The following RORA variants were observed in gnomAD, a reference collection of about 807,000 sequenced individuals.
RORA encodes the protein nuclear receptor ROR-alpha.
Under a neutral mutation model 69.5 loss-of-function variants are expected in RORA, and 7 were observed. The ratio of observed to expected loss-of-function variants is 0.10; its 90% CI spans 0.06 to 0.19. The LOEUF is 0.19. RORA is among the 10% of genes least tolerant of loss of function. The pLI, the probability that RORA is intolerant of heterozygous loss-of-function variation, is 1.00. For synonymous variants in RORA, 261 were observed against 240.8 expected (o/e 1.08, Z -0.78); for missense variants, 457 against 663.0 (o/e 0.69, Z 3.41).
intron 1 of RORA, among the ~76,000 whole-genome samples, chr15:61,065,220 TCAAA>T (rs2078240270): frequency 6.6e-6 from 1 of 152,226 alleles, no homozygotes; most frequent in Non-Finnish European, 1.5e-5. Context: ...GTAGCAAGTA[TCAAA>T]TGTACTATAA....
chr15:60,517,521 TAAG>T (rs977391968), intron 3 of RORA, among the ~76,000 whole-genome samples: 1 of 151,032 alleles, frequency 6.6e-6, no homozygotes, highest in Non-Finnish European at 1.5e-5. Context: ...GAAAAGGAAG[TAAG>T]AAGAAGTAAG....
chr15:60,591,460 CCTT>C (rs2068507125), intron 2 of RORA, among the ~76,000 whole-genome samples: 1 of 152,216 alleles, frequency 6.6e-6, no homozygotes, highest in Non-Finnish European at 1.5e-5. Flanking sequence ...CGGTTTCTCT[CCTT>C]CTCACCTGAG....
chr15:61,016,819 G>A (rs991758666), intron 1 of RORA, among the ~76,000 whole-genome samples: 14 of 152,132 alleles, frequency 9.2e-5, no homozygotes, highest in African/African-American at 3.4e-4. Context: ...GAGAAAACTG[G>A]TGGAGTAGTC....
At chr15:61,166,732 A>G (rs887150430) in intron 1 of RORA, among the ~76,000 whole-genome samples, 58 of 152,218 alleles carry the variant, frequency 3.8e-4, no homozygotes, top group African/African-American at 1.4e-3. Flanking sequence ...TCTGGACCTC[A>G]GGACTCCTAG....
intron 1 of RORA, among the ~76,000 whole-genome samples, chr15:60,969,921 T>C (rs924221667): frequency 6.6e-6 from 1 of 152,346 alleles, no homozygotes; most frequent in Middle Eastern, 3.4e-3. Flanking sequence ...AATGTGGTCC[T>C]GTGGGTGATG....
At chr15:61,112,807 C>T (rs775630514) in intron 1 of RORA, among the ~76,000 whole-genome samples, 4 of 152,190 alleles carry the variant, frequency 2.6e-5, no homozygotes, top group Non-Finnish European at 5.9e-5. Flanking sequence ...CAATGGGCTT[C>T]AAGAGCACAG....
chr15:60,621,216 T>TA (rs35729202), intron 2 of RORA, among the ~76,000 whole-genome samples: 37,230 of 150,896 alleles, frequency 0.25, 4,883 homozygotes, highest in Middle Eastern at 0.33. Flanking sequence ...ATATATATAT[T>TA]TTTTAAGAAA....
intron 1 of RORA, among the ~76,000 whole-genome samples, chr15:61,162,032 C>A (rs927375627): frequency 6.6e-6 from 1 of 152,050 alleles, no homozygotes; most frequent in African/African-American, 2.4e-5. Context: ...TATATACACA[C>A]GTTAAAAGTG....
intron 1 of RORA, among the ~76,000 whole-genome samples, chr15:60,987,158 T>A (rs565129379): frequency 6.6e-6 from 1 of 152,254 alleles, no homozygotes; most frequent in East Asian, 1.9e-4. Flanking sequence ...CAGAACAGAT[T>A]TCAGGACTAA....
intron 1 of RORA, among the ~76,000 whole-genome samples, chr15:60,849,468 G>A (rs984590811): frequency 2.0e-5 from 3 of 152,194 alleles, no homozygotes; most frequent in African/African-American, 7.2e-5. Context: ...TATTTACGAG[G>A]TACCATGATG....
At chr15:60,592,548 C>T (rs2068561378) in intron 2 of RORA, 11 of 1,275,656 alleles carry the variant, frequency 8.6e-6, no homozygotes, top group South Asian at 7.4e-5. Flanking sequence ...GAGAGCCATC[C>T]CGAGCCATAA....
At chr15:60,911,069 A>ATTT (rs528370848) in intron 1 of RORA, among the ~76,000 whole-genome samples, 10 of 89,680 alleles carry the variant, frequency 1.1e-4, no homozygotes, top group African/African-American at 4.2e-4. Flanking sequence ...TGCCCAGCTA[A>ATTT]TTTTTTTTTT....
At chr15:61,157,492 A>G (rs2079454831) in intron 1 of RORA, among the ~76,000 whole-genome samples, 1 of 152,160 alleles carries the variant, frequency 6.6e-6, no homozygotes. Context: ...GGACTCAGCT[A>G]GGTATTTGCA....
At chr15:60,712,700 A>G (rs1255380857) in intron 1 of RORA, among the ~76,000 whole-genome samples, 1 of 152,180 alleles carries the variant, frequency 6.6e-6, no homozygotes, top group Non-Finnish European at 1.5e-5. Flanking sequence ...ACAAGACTCA[A>G]CACAGTCCTA....
chr15:61,171,228 C>T (rs2079582155), intron 1 of RORA, among the ~76,000 whole-genome samples: 1 of 152,096 alleles, frequency 6.6e-6, no homozygotes, highest in African/African-American at 2.4e-5. Context: ...CCGGTGTCCT[C>T]CACAGCCCTA....
In RORA at chr15:60,491,044, A is replaced by C. The variant is rs2065032207; in HGVS notation, c.*6411T>G. ...CTAATGTCCTAATGTTTAAAAATTT[A>C]CCACTGTTTAATATGAGATTTCAAA... is the stretch of plus-strand genomic sequence containing the variant. On this transcript the variant is annotated 3_prime_UTR_variant, in exon 11 of 11. Coordinates refer to ENST00000335670, the MANE Select transcript of RORA (RefSeq NM_134261.3). The C allele has an allele frequency of 6.6e-6, 1 of 152,198 alleles. No homozygotes were observed. Among genetic ancestry groups the C allele is most frequent in the Non-Finnish European group, 1.5e-5 (1 of 68,004 alleles). 9.4% of individuals were successfully genotyped at this position (152,198 alleles called of 1,614,324 possible).
At chr15:61,036,811 C>G (rs1333695358) in intron 1 of RORA, among the ~76,000 whole-genome samples, 1 of 140,650 alleles carries the variant, frequency 7.1e-6, no homozygotes, top group Non-Finnish European at 1.6e-5. Flanking sequence ...CCTCCACCCC[C>G]ACCCCTGCCC....
At chr15:60,981,756 T>C (rs1263344867) in intron 1 of RORA, among the ~76,000 whole-genome samples, 1 of 152,210 alleles carries the variant, frequency 6.6e-6, no homozygotes, top group African/African-American at 2.4e-5. Context: ...ATATTTACAA[T>C]AGCTGATTTA....
intron 1 of RORA, among the ~76,000 whole-genome samples, chr15:60,840,888 G>GT: frequency 6.6e-6 from 1 of 152,330 alleles, no homozygotes; most frequent in Non-Finnish European, 1.5e-5. Flanking sequence ...CCAGGCGATA[G>GT]TTTTTCGAAA....
Sources: allele counts gnomAD v4.1 joint callset (sites outside exome capture counted in the v4.1 genomes callset), GRCh38; gene constraint gnomAD v4.1.1; transcripts MANE v1.5; gene names NCBI Gene and HGNC (gene_info 2026-07-23, HGNC 2026-07-21).